The following NUMA1 variants were observed in gnomAD, a reference collection of about 807,000 sequenced individuals.
The protein encoded by NUMA1 is nuclear mitotic apparatus protein 1, also known as SP-H antigen.
A neutral mutation model predicts 237.1 loss-of-function variants in NUMA1; 62 were observed. The observed-to-expected ratio is 0.26, with a 90% CI of 0.21 to 0.32. The LOEUF (loss-of-function observed/expected upper bound fraction) is 0.32. Among genes scored for constraint, NUMA1 ranks in the 10% least tolerant of loss-of-function variants. The pLI, the probability that NUMA1 is intolerant of heterozygous loss-of-function variation, is 1.00. For synonymous variants in NUMA1, 1,028 were observed against 1,066.1 expected (o/e 0.96, Z 0.70); for missense variants, 2,533 against 2,666.5 (o/e 0.95, Z 1.10).
At chr11:72,004,191 G>T in intron 25 of NUMA1, 34 bp downstream of exon 25, 1 of 1,604,172 alleles carries the variant, frequency 6.2e-7, no homozygotes, top group Non-Finnish European at 8.5e-7. Flanking sequence ...TCCCGCCAGG[G>T]CGTCGCTTCA....
At chr11:72,043,908 C>A (rs1410131445) in intron 2 of NUMA1, among the ~76,000 whole-genome samples, 1 of 151,956 alleles carries the variant, frequency 6.6e-6, no homozygotes, top group Non-Finnish European at 1.5e-5. Context: ...AGCCTGGGTG[C>A]CAGAGCAAGA....
intron 1 of NUMA1, among the ~76,000 whole-genome samples, chr11:72,071,272 T>G (rs1363451580): frequency 6.6e-6 from 1 of 152,168 alleles, no homozygotes; most frequent in Non-Finnish European, 1.5e-5. Flanking sequence ...ACAACACAAA[T>G]AAGTGCTAAA....
At chr11:72,037,901 C>G (rs1183012747) in intron 2 of NUMA1, among the ~76,000 whole-genome samples, 1 of 152,162 alleles carries the variant, frequency 6.6e-6, no homozygotes, top group Admixed American at 6.5e-5. Flanking sequence ...TTATGTAGCC[C>G]TTGAGGCCAG....
At position 72,015,205 on chromosome 11, in the gene NUMA1, C is replaced by A. The variant is rs762822135; in HGVS notation, c.2298G>T (p.Gly766=). The change falls in exon 15 of 27, where the codon GGG becomes GGT. Residue 766 remains glycine, a synonymous_variant. Transcript: ENST00000393695. The surrounding 1 kb of genome is among the most constrained non-coding windows in gnomAD (Gnocchi z 4.0). ...CAAGCTGCTGTAATCGAGCCTCCAG[C>A]CCCTTGCGCCCAGCCCTCTCTTCTT... ...ELEEERAGRK[G]LEARLQQLGE... The A allele has an allele frequency of 1.2e-6, 2 of 1,613,490 alleles. No homozygotes were observed. Among genetic ancestry groups the A allele is most frequent in the Admixed American group, 1.7e-5 (1 of 60,032 alleles).
Position 72,015,842 on chromosome 11 carries a change from T to C in NUMA1, c.1661A>G (p.Glu554Gly), listed in dbSNP as rs1956493632. Residue 554 changes from glutamate to glycine, a missense_variant, in exon 15 of 27, where the codon GAG becomes GGG. Physicochemically the swap from Glu to Gly is moderately conservative, Grantham distance 98 (BLOSUM62 -2). This residue lies in a region of NUMA1 where 1,414 missense variants were observed against 1,508.1 expected (regional missense o/e 0.94). Coordinates refer to ENST00000393695, the MANE Select transcript of NUMA1 (RefSeq NM_006185.4). The surrounding 1 kb of genome is among the most constrained non-coding windows in gnomAD (Gnocchi z 4.0). ...QASQGLRHQV[E>G]QLSSSLKQKE... is the part of the protein sequence containing the mutation. Reference sequence around the variant, plus strand: ...CTGCTTCAGGCTACTGCTTAGCTGCTCCACCTGGTGGCGGAGGCCCTGGGA... The same window carrying C: ...CTGCTTCAGGCTACTGCTTAGCTGCCCCACCTGGTGGCGGAGGCCCTGGGA... 1.2e-6 allele frequency: 2 copies of C among 1,614,208 alleles called. No individual in the cohort carries two copies. Among genetic ancestry groups the C allele is most frequent in the Non-Finnish European group, 1.7e-6 (2 of 1,180,046 alleles).
Position 72,013,047 on chromosome 11 carries a change from C to T in NUMA1, c.4456G>A (p.Asp1486Asn), listed in dbSNP as rs1956257051. 2.5e-6 allele frequency: 4 copies of T among 1,614,096 alleles called. No homozygotes were observed. In the African/African-American group the frequency reaches 5.3e-5, roughly 22 times the overall value. Residue 1486 changes from aspartate (D) to asparagine (N), a missense_variant, in exon 15 of 27, where the codon GAT becomes AAT. Asp to Asn is a conservative substitution (Grantham distance 23). Coordinates refer to ENST00000393695, the MANE Select transcript of NUMA1 (RefSeq NM_006185.4). The surrounding 1 kb of genome is among the most constrained non-coding windows in gnomAD (Gnocchi z 6.8). ...ACCTCAGCCAGACGGGTCTCAGCAT[C>T]AGCACGTACGGCTGCCAACTCTTGG... Reference protein sequence around the residue: ...YVQELAAVRADAETRLAEVQR... With the variant: ...YVQELAAVRANAETRLAEVQR...
At chr11:72,052,666 A>C (rs781312420) in intron 2 of NUMA1, among the ~76,000 whole-genome samples, 2 of 152,066 alleles carry the variant, frequency 1.3e-5, no homozygotes, top group Non-Finnish European at 2.9e-5. Flanking sequence ...CAGGAGGCTG[A>C]GGCAGGAGAA....
intron 2 of NUMA1, among the ~76,000 whole-genome samples, chr11:72,057,368 A>G (rs1237182313): frequency 1.3e-5 from 2 of 152,260 alleles, no homozygotes; most frequent in Non-Finnish European, 2.9e-5. Flanking sequence ...TTTACATATT[A>G]ATTCCATATT....
chr11:72,004,255 C>A lies in NUMA1; in HGVS notation c.6093G>T (p.Gln2031His). Residue 2031 changes from glutamine (Q) to histidine (H), a missense_variant, in exon 25 of 27, where the codon CAG becomes CAT. Coordinates refer to ENST00000393695, the MANE Select transcript of NUMA1 (RefSeq NM_006185.4). ...EGRKQSTTEA[Q>H]KKAAPASTKQ... ...TAGTAGAAGCTGGAGCTGCTTTCTT[C>A]TGGGCCTCAGTAGTGCTCTGTTTGC... The A allele has an allele frequency of 6.2e-7, 1 of 1,612,212 alleles. No homozygotes were observed. Among genetic ancestry groups the A allele is most frequent in the Non-Finnish European group, 8.5e-7 (1 of 1,179,584 alleles).
In NUMA1 at chr11:72,013,537, C is replaced by T. The variant is rs1565206585; in HGVS notation, c.3966G>A (p.Ala1322=). 5.0e-6 allele frequency: 8 copies of T among 1,613,536 alleles called. No individual in the cohort carries two copies. The highest frequency in any genetic ancestry group is 1.7e-5 in the Admixed American group (1 of 60,030). ...RQELTSQAER[A]EELGQELKAW... ...CCTTCAATTCTTGGCCCAGCTCCTC[C>T]GCACGCTCAGCCTGTGAGGTCAGCT... The change falls in exon 15 of 27, where the codon GCG becomes GCA. Residue 1322 remains alanine (A), a synonymous_variant. Transcript: ENST00000393695. This position sits in a 1 kb window ranked among gnomAD's most constrained non-coding sequence, Gnocchi z 6.8.
chr11:72,016,547 C>A lies in NUMA1; in HGVS notation c.1120-17G>T, dbSNP rs1179648065. 6 of 1,611,808 alleles carry A rather than the reference C, an allele frequency of 3.7e-6. No homozygotes were observed. The highest frequency in any genetic ancestry group is 5.1e-6 in the Non-Finnish European group (6 of 1,178,652). On this transcript the variant is annotated splice_polypyrimidine_tract_variant and intron_variant, in intron 13 of 26. Transcript: ENST00000393695. ...AAGGCATTTCTGGGAGTAAATGAGACCCATGTGAACAGAGAGGGGGAACAG... is the reference window on the plus strand; with the variant it reads ...AAGGCATTTCTGGGAGTAAATGAGAACCATGTGAACAGAGAGGGGGAACAG...
intron 3 of NUMA1, among the ~76,000 whole-genome samples, chr11:72,031,543 C>G (rs1939244): frequency 6.6e-6 from 1 of 151,982 alleles, no homozygotes; most frequent in Non-Finnish European, 1.5e-5. Flanking sequence ...GCCTGTAATC[C>G]CAGCACTTGG....
chr11:72,010,884 C>G, intron 16 of NUMA1, 30 bp from the exon 17 acceptor site: 1 of 1,597,008 alleles, frequency 6.3e-7, no homozygotes, highest in Non-Finnish European at 8.6e-7. Context: ...ACAGAAGACT[C>G]AGGAGGACTT....
At chr11:72,078,643 G>A (rs1048785802) in intron 1 of NUMA1, among the ~76,000 whole-genome samples, 7 of 152,186 alleles carry the variant, frequency 4.6e-5, no homozygotes, top group Non-Finnish European at 8.8e-5. Flanking sequence ...ACCGCTTTTC[G>A]CTGTGAACTA....
chr11:72,050,755 CTCTA>C (rs1283763352), intron 2 of NUMA1: 2 of 152,206 alleles, frequency 1.3e-5, no homozygotes, highest in African/African-American at 2.4e-5. Flanking sequence ...CAGCTACATC[CTCTA>C]TCTTTCTCAT....
Position 72,004,177 on chromosome 11 carries a change from A to G in NUMA1, c.6123+48T>C, listed in dbSNP as rs780758695. The G allele has an allele frequency of 5.6e-6, 9 of 1,603,834 alleles. No individual in the cohort carries two copies. The East Asian group carries it at 2.0e-4, about 36-fold the overall frequency. ...GCGTGCTGTGCCACGCTCTATCAGC[A>G]AGGTCCCGCCAGGGCGTCGCTTCAT... On this transcript the variant is annotated intron_variant, in intron 25 of 26. Transcript: ENST00000393695.
At chr11:72,005,770 C>T in intron 22 of NUMA1, 1 of 530,910 alleles carries the variant, frequency 1.9e-6, no homozygotes, top group South Asian at 2.6e-5. Context: ...CTGAGAAGGG[C>T]ATGGAGGACT....
intron 1 of NUMA1, among the ~76,000 whole-genome samples, chr11:72,070,872 T>C (rs1192202722): frequency 1.3e-5 from 2 of 152,262 alleles, no homozygotes; most frequent in Non-Finnish European, 2.9e-5. Context: ...ATTTATGTAG[T>C]GTCTCACTGT....
chr11:72,009,451 C>T, intron 17 of NUMA1, 64 bp from the exon 18 acceptor site: 1 of 1,524,120 alleles, frequency 6.6e-7, no homozygotes, highest in Non-Finnish European at 8.7e-7. Flanking sequence ...CTTATCTGCA[C>T]CAGCCACTGG....
Sources: allele counts gnomAD v4.1 joint callset (sites outside exome capture counted in the v4.1 genomes callset), GRCh38; gene constraint gnomAD v4.1.1; regional missense constraint gnomAD v4.1.1; non-coding constraint Gnocchi (gnomAD v3.1); transcripts MANE v1.5; gene names NCBI Gene and HGNC (gene_info 2026-07-23, HGNC 2026-07-21).